GRIK2: variants seen among roughly 807,000 people sequenced by gnomAD.
The protein encoded by GRIK2 is glutamate receptor ionotropic, kainate 2.
GRIK2 carries 32 observed loss-of-function variants against 100.3 expected under a neutral mutation model. The observed-to-expected ratio is 0.32, with a 90% CI of 0.24 to 0.43. The LOEUF (loss-of-function observed/expected upper bound fraction) is 0.43, where lower values mean the gene tolerates loss of function less well. Ranked by LOEUF, GRIK2 falls within the 20% of genes least tolerant of loss-of-function variation. The pLI, the probability that GRIK2 is intolerant of heterozygous loss-of-function variation, is 1.00. For synonymous variants in GRIK2, 417 were observed against 389.4 expected, an observed-to-expected ratio of 1.07 and a Z score of -0.83; for missense variants, 843 against 1,114.9, an observed-to-expected ratio of 0.76 and a Z score of 3.47.
chr6:101,757,993 T>C (rs1777240937), intron 7 of GRIK2, among the ~76,000 whole-genome samples: 1 of 152,202 alleles, frequency 6.6e-6, no homozygotes. Context: ...TTTGGGAGGC[T>C]GAGGCAGGAA....
intron 14 of GRIK2, among the ~76,000 whole-genome samples, chr6:101,984,051 A>G (rs550964016): frequency 6.6e-6 from 1 of 151,930 alleles, no homozygotes; most frequent in East Asian, 1.9e-4. Context: ...CAGGCTTTCA[A>G]AAAAACTTAT....
At chr6:101,586,717 TTAAAAAAAAAAC>T (rs1166862803) in intron 2 of GRIK2, among the ~76,000 whole-genome samples, 3 of 135,812 alleles carry the variant, frequency 2.2e-5, no homozygotes, top group African/African-American at 8.7e-5. Flanking sequence ...AAAAATAAAA[TTAAAAAAAAAAC>T]AAATTAAAAA....
intron 9 of GRIK2, among the ~76,000 whole-genome samples, chr6:101,807,402 G>T (rs1266558019): frequency 6.6e-6 from 1 of 151,938 alleles, no homozygotes; most frequent in African/African-American, 2.4e-5. Flanking sequence ...ATTTATAAAT[G>T]TTCCTTTTTT....
intron 2 of GRIK2, among the ~76,000 whole-genome samples, chr6:101,619,277 A>G (rs1176877013): frequency 2.6e-5 from 4 of 151,400 alleles, no homozygotes; most frequent in Non-Finnish European, 4.4e-5. Flanking sequence ...GGATGTTTTT[A>G]TTACAAAATT....
At chr6:101,776,019 G>A (rs868610849) in intron 7 of GRIK2, among the ~76,000 whole-genome samples, 2 of 152,094 alleles carry the variant, frequency 1.3e-5, no homozygotes, top group African/African-American at 4.8e-5. Flanking sequence ...AAGCAGATTT[G>A]TGTTTTCACT....
chr6:101,409,727 A>G (rs1775790618), intron 2 of GRIK2, among the ~76,000 whole-genome samples: 1 of 152,046 alleles, frequency 6.6e-6, no homozygotes, highest in South Asian at 2.1e-4. Flanking sequence ...TCCAAGGATA[A>G]TAGATAATGT....
intron 11 of GRIK2, among the ~76,000 whole-genome samples, chr6:101,873,723 G>A (rs1459111464): frequency 6.6e-6 from 1 of 151,950 alleles, no homozygotes; most frequent in African/African-American, 2.4e-5. Flanking sequence ...CAGTGTAAAA[G>A]TGTTCCTATT....
Position 101,579,890 on chromosome 6 carries a change from C to T in GRIK2, c.116-42059C>T, listed in dbSNP as rs114672284. 1.5e-3 allele frequency among the ~76,000 whole-genome samples: 225 copies of T among 149,422 alleles called. 1 individual carries two copies. Among genetic ancestry groups the T allele is most frequent in the African/African-American group, 5.4e-3 (220 of 40,888 alleles). On this transcript the variant is annotated intron_variant, in intron 2 of 16. Coordinates refer to ENST00000369134, the MANE Select transcript of GRIK2 (RefSeq NM_021956.5). ...AAAAGAAATGCATTTGATACCCTTTCTTCTGGAAACATTGTCTTCTCTGGG... is the reference window on the plus strand; with the variant it reads ...AAAAGAAATGCATTTGATACCCTTTTTTCTGGAAACATTGTCTTCTCTGGG...
intron 2 of GRIK2, among the ~76,000 whole-genome samples, chr6:101,592,608 T>TATATATAC (rs1778717397): frequency 7.9e-6 from 1 of 126,644 alleles, no homozygotes; most frequent in African/African-American, 3.1e-5. Context: ...TATATATATA[T>TATATATAC]ATATATATAT....
At chr6:101,867,703 A>C (rs1785139338) in intron 11 of GRIK2, among the ~76,000 whole-genome samples, 1 of 151,604 alleles carries the variant, frequency 6.6e-6, no homozygotes, top group Admixed American at 6.6e-5. Flanking sequence ...GTACTAATAT[A>C]ATAAAGAATG....
At chr6:101,795,163 G>A (rs771141756) in intron 7 of GRIK2, among the ~76,000 whole-genome samples, 13 of 152,082 alleles carry the variant, frequency 8.5e-5, no homozygotes, top group Non-Finnish European at 1.5e-4. Flanking sequence ...CACCATACCC[G>A]GCCAGCTTTT....
intron 7 of GRIK2, among the ~76,000 whole-genome samples, chr6:101,767,502 T>C (rs1218952524): frequency 6.6e-6 from 1 of 152,184 alleles, no homozygotes; most frequent in Admixed American, 6.5e-5. Flanking sequence ...ATTTTAAGAA[T>C]ATGCATAGTT....
At chr6:101,471,022 G>A (rs895333729) in intron 2 of GRIK2, among the ~76,000 whole-genome samples, 13 of 151,934 alleles carry the variant, frequency 8.6e-5, no homozygotes, top group African/African-American at 3.1e-4. Flanking sequence ...TTCTTTTTGT[G>A]TCATTATGCA....
chr6:101,565,577 A>C (rs1777216117), intron 2 of GRIK2, among the ~76,000 whole-genome samples: 1 of 152,106 alleles, frequency 6.6e-6, no homozygotes, highest in Non-Finnish European at 1.5e-5. Context: ...AGAAGATTGC[A>C]TTGAATGTAT....
intron 2 of GRIK2, among the ~76,000 whole-genome samples, chr6:101,562,743 T>G (rs1357034535): frequency 6.6e-6 from 1 of 152,134 alleles, no homozygotes; most frequent in Admixed American, 6.6e-5. Context: ...TTAAATGATG[T>G]AATATATGTA....
chr6:101,795,709 G>T (rs892597069), intron 7 of GRIK2, among the ~76,000 whole-genome samples: 1 of 152,174 alleles, frequency 6.6e-6, no homozygotes, highest in Non-Finnish European at 1.5e-5. Context: ...AGAAGTGCAC[G>T]GACACCAGCA....
At chr6:101,643,145 T>C (rs1781359257) in intron 4 of GRIK2, among the ~76,000 whole-genome samples, 1 of 151,730 alleles carries the variant, frequency 6.6e-6, no homozygotes, top group Admixed American at 6.6e-5. Flanking sequence ...AGATATATTA[T>C]TTGCAAATGT....
At chr6:101,855,763 C>A (rs1784392964) in intron 10 of GRIK2, among the ~76,000 whole-genome samples, 1 of 152,040 alleles carries the variant, frequency 6.6e-6, no homozygotes, top group African/African-American at 2.4e-5. Context: ...TAAGCAAATG[C>A]ACAATAAAAG....
chr6:101,750,944 A>T (rs1223310511), intron 7 of GRIK2, among the ~76,000 whole-genome samples: 1 of 152,242 alleles, frequency 6.6e-6, no homozygotes, highest in East Asian at 1.9e-4. Flanking sequence ...TTTGTAGATA[A>T]TTTTAAATTC....
Sources: gnomAD v4.1 joint callset for allele counts (sites outside exome capture counted in the v4.1 genomes callset) on GRCh38, gnomAD v4.1.1 for gene constraint, MANE v1.5 for transcripts, NCBI Gene and HGNC (gene_info 2026-07-23, HGNC 2026-07-21) for gene names.